The following LAMA1 variants were observed in gnomAD, a reference collection of about 807,000 sequenced individuals.
The protein encoded by LAMA1 is laminin subunit alpha 1.
LAMA1 carries 219 observed loss-of-function variants against 348.7 expected under a neutral mutation model. The ratio of observed to expected loss-of-function variants is 0.63; its 90% CI spans 0.56 to 0.70. LAMA1 has a LOEUF of 0.70. Among genes scored for constraint, LAMA1 ranks in the 30% least tolerant of loss-of-function variants. LAMA1 has a pLI of 0.00. For synonymous variants in LAMA1, 1,487 were observed against 1,491.0 expected, an observed-to-expected ratio of 1.00 and a Z score of 0.06; for missense variants, 3,744 against 3,888.0, an observed-to-expected ratio of 0.96 and a Z score of 0.99.
chr18:6,945,031 T>G (rs1225244647), intron 61 of LAMA1, among the ~76,000 whole-genome samples: 1 of 152,178 alleles, frequency 6.6e-6, no homozygotes, highest in Non-Finnish European at 1.5e-5. Flanking sequence ...CACTTCTGAT[T>G]GCATTCCTAA....
At chr18:6,950,359 T>C (rs1420823944) in intron 58 of LAMA1, among the ~76,000 whole-genome samples, 3 of 152,372 alleles carry the variant, frequency 2.0e-5, no homozygotes, top group African/African-American at 7.2e-5. Context: ...CCACTCTTAG[T>C]GCATTTGCTT....
chr18:6,974,812 C>T, intron 46 of LAMA1, 91 bp downstream of exon 46: 3 of 1,522,778 alleles, frequency 2.0e-6, no homozygotes, highest in Non-Finnish European at 2.7e-6. Context: ...CCAGAAGTTT[C>T]AAAGCCTATT....
chr18:6,944,474 T>C (rs2143961810), intron 61 of LAMA1, among the ~76,000 whole-genome samples: 1 of 152,304 alleles, frequency 6.6e-6, no homozygotes, highest in African/African-American at 2.4e-5. Flanking sequence ...TATGCTGAAG[T>C]CCTAACCCCC....
At chr18:7,012,477 A>ATAT (rs961310254) in intron 23 of LAMA1, among the ~76,000 whole-genome samples, 25 of 140,498 alleles carry the variant, frequency 1.8e-4, no homozygotes, top group East Asian at 1.6e-3. Context: ...CAGGTGATAA[A>ATAT]TATTATTATT....
intron 1 of LAMA1, among the ~76,000 whole-genome samples, chr18:7,115,128 A>G (rs2058350521): frequency 6.6e-6 from 1 of 152,210 alleles, no homozygotes; most frequent in Non-Finnish European, 1.5e-5. Context: ...GGGCCCTTAG[A>G]GAATACAGTG....
chr18:7,101,333 C>T (rs1568069320), intron 1 of LAMA1, among the ~76,000 whole-genome samples: 1 of 152,186 alleles, frequency 6.6e-6, no homozygotes, highest in African/African-American at 2.4e-5. Flanking sequence ...CTGAAACTCA[C>T]ATCCTGAAGG....
chr18:7,024,232 AT>A, intron 18 of LAMA1, 147 bp downstream of exon 18: 1 of 653,866 alleles, frequency 1.5e-6, no homozygotes, highest in Non-Finnish European at 2.7e-6. Context: ...ATTTTAAAAC[AT>A]GAAATACTGA....
intron 39 of LAMA1, 32 bp downstream of exon 39, chr18:6,985,205 G>A (rs745451130): frequency 1.2e-6 from 2 of 1,612,654 alleles, no homozygotes; most frequent in South Asian, 1.1e-5. Flanking sequence ...TAGACTGCAA[G>A]CTCTTGAGTT....
chr18:7,053,780 AT>A (rs371341214), intron 3 of LAMA1, among the ~76,000 whole-genome samples: 24,467 of 138,052 alleles, frequency 0.18, 1,742 homozygotes, highest in African/African-American at 0.2. Context: ...TCATTAGAGG[AT>A]TTTTTTTTTT....
chr18:6,942,063 G>C lies in LAMA1; in HGVS notation c.*16C>G. On this transcript the variant is annotated 3_prime_UTR_variant, in exon 63 of 63. Transcript: ENST00000389658. The stretch of plus-strand genomic sequence containing the variant: ...AAATATTAGCAATGATTCCAACTGA[G>C]GATTCTGCTTGAAGTTCAGGACTCG... The C allele has an allele frequency of 6.2e-7, 1 of 1,613,882 alleles. No homozygotes were observed. The highest frequency in any genetic ancestry group is 8.5e-7 in the Non-Finnish European group (1 of 1,179,872).
At chr18:7,076,039 A>G (rs2058166606) in intron 3 of LAMA1, among the ~76,000 whole-genome samples, 1 of 152,182 alleles carries the variant, frequency 6.6e-6, no homozygotes, top group South Asian at 2.1e-4. Context: ...CTCTCTATAA[A>G]TACTAACCAG....
chr18:6,941,922 C>T lies in LAMA1; in HGVS notation c.*157G>A. The T allele has an allele frequency of 1.2e-6, 1 of 828,104 alleles. No individual in the cohort carries two copies. The highest frequency in any genetic ancestry group is 2.0e-6 in the Non-Finnish European group (1 of 492,528). 51.3% of individuals were successfully genotyped at this position (828,104 alleles called of 1,614,324 possible). On this transcript the variant is annotated 3_prime_UTR_variant, in exon 63 of 63. Coordinates refer to ENST00000389658, the MANE Select transcript of LAMA1 (RefSeq NM_005559.4). Reference sequence around the variant, plus strand: ...GACCATTTAATGGAGGTATTTGTTGCACATGTGGTTTTAGTGTAACGTAAA... The same window carrying T: ...GACCATTTAATGGAGGTATTTGTTGTACATGTGGTTTTAGTGTAACGTAAA...
rs765586556 is a variant in LAMA1 at position 7,024,404 on chromosome 18, C to T, written c.2465G>A (p.Gly822Asp). 1.2e-6 allele frequency: 2 copies of T among 1,614,064 alleles called. No homozygotes were observed. The highest frequency in any genetic ancestry group is 1.1e-5 in the South Asian group (1 of 91,046). ...DEVVCDWCAP[G>D]YSGAWCERCA... ...CCTCTCACACCAAGCTCCTGAGTAG[C>T]CCGGGGCACACCAGTCACAGACCAC... Residue 822 changes from glycine to aspartate, a missense_variant, in exon 18 of 63, where the codon GGC becomes GAC. Physicochemically the swap from Gly to Asp is moderately conservative, Grantham distance 94. Around this residue, in one of 3 missense-constraint regions of LAMA1, gnomAD observed 1,529 missense variants for 1,689.4 expected, o/e 0.91. Transcript: ENST00000389658.
intron 56 of LAMA1, chr18:6,955,919 C>T: frequency 3.0e-6 from 1 of 332,942 alleles, no homozygotes; most frequent in South Asian, 2.6e-5. Context: ...AACCTAGGTC[C>T]ACACTGACAG....
intron 13 of LAMA1, among the ~76,000 whole-genome samples, chr18:7,035,668 C>T (rs745681328): frequency 1.3e-5 from 2 of 152,194 alleles, no homozygotes; most frequent in Non-Finnish European, 2.9e-5. Flanking sequence ...CCTCCTGTCT[C>T]AGCCTCCCAA....
rs760067190 is a variant in LAMA1 at position 6,995,349 on chromosome 18, G to T, written c.4896+8C>A. 17 of 1,606,052 alleles carry T rather than the reference G, an allele frequency of 1.1e-5. No homozygotes were observed. Among genetic ancestry groups the T allele is most frequent in the Non-Finnish European group, 1.2e-5 (14 of 1,172,730 alleles). The stretch of plus-strand genomic sequence containing the variant: ...GAGGAAGGTTGGTTGGTTATGGAAA[G>T]AATTTACCTTCTTTTGCAGGTTGTC... On this transcript the variant is annotated splice_region_variant and intron_variant, in intron 34 of 62. Transcript: ENST00000389658.
chr18:7,115,896 T>C (rs1250487555), intron 1 of LAMA1, among the ~76,000 whole-genome samples: 2 of 151,306 alleles, frequency 1.3e-5, no homozygotes, highest in East Asian at 1.9e-4. Flanking sequence ...GCAGAATTGT[T>C]TGAACCCGGG....
intron 61 of LAMA1, among the ~76,000 whole-genome samples, chr18:6,944,398 TAA>T (rs1490431428): frequency 6.6e-6 from 1 of 152,186 alleles, no homozygotes; most frequent in Non-Finnish European, 1.5e-5. Context: ...CCACAGCAAG[TAA>T]AGAGATCTCA....
intron 1 of LAMA1, among the ~76,000 whole-genome samples, chr18:7,099,951 C>T (rs1465803136): frequency 1.3e-5 from 2 of 148,336 alleles, no homozygotes; most frequent in African/African-American, 5.0e-5. Context: ...CCCAGCTACT[C>T]AGGAGGCTGA....
Sources: allele counts gnomAD v4.1 joint callset (sites outside exome capture counted in the v4.1 genomes callset), GRCh38; gene constraint gnomAD v4.1.1; regional missense constraint gnomAD v4.1.1; transcripts MANE v1.5; gene names NCBI Gene and HGNC (gene_info 2026-07-23, HGNC 2026-07-21).